Variants in RHBDD1 observed in about 807,000 individuals in gnomAD.
RHBDD1 encodes rhomboid domain containing 1.
In RHBDD1, 38 loss-of-function variants were observed where a neutral mutation model predicts 36.3. The observed-to-expected ratio is 1.05, with a 90% CI of 0.81 to 1.37. The LOEUF (loss-of-function observed/expected upper bound fraction) is 1.37, where lower values mean the gene tolerates loss of function less well. RHBDD1 is among the 40% of genes most tolerant of loss of function. The pLI, the probability that RHBDD1 is intolerant of heterozygous loss-of-function variation, is 0.00. For missense variants in RHBDD1, 393 were observed against 377.6 expected (o/e 1.04, Z -0.34); for synonymous variants, 151 against 136.5 (o/e 1.11, Z -0.74).
chr2:226,884,163 TAG>T (rs1362094846), intron 5 of RHBDD1, among the ~76,000 whole-genome samples: 1 of 152,190 alleles, frequency 6.6e-6, no homozygotes, highest in East Asian at 1.9e-4. Flanking sequence ...TGTTTTAAAA[TAG>T]AGAGTTCTTT....
intron 8 of RHBDD1, among the ~76,000 whole-genome samples, chr2:226,967,374 CT>C (rs1031771044): frequency 5.9e-5 from 9 of 151,938 alleles, no homozygotes; most frequent in African/African-American, 1.9e-4. Context: ...GTTGAGAATT[CT>C]TTTTTTCTTT....
At chr2:226,959,882 G>A (rs1179708412) in intron 8 of RHBDD1, among the ~76,000 whole-genome samples, 1 of 152,058 alleles carries the variant, frequency 6.6e-6, no homozygotes. Context: ...GAGTGCAGTG[G>A]CGCGATCTCG....
intron 5 of RHBDD1, among the ~76,000 whole-genome samples, chr2:226,887,676 C>T (rs974553929): frequency 6.6e-6 from 1 of 152,212 alleles, no homozygotes. Context: ...TGAAAATGCT[C>T]TTGTCAAACA....
intron 8 of RHBDD1, among the ~76,000 whole-genome samples, chr2:226,951,003 C>T (rs905790896): frequency 5.3e-5 from 8 of 152,144 alleles, no homozygotes; most frequent in East Asian, 1.9e-4. Flanking sequence ...TTGATTTTGT[C>T]GACCATGCTT....
At chr2:226,851,149 A>G (rs976819011) in intron 3 of RHBDD1, among the ~76,000 whole-genome samples, 1 of 152,110 alleles carries the variant, frequency 6.6e-6, no homozygotes, top group Admixed American at 6.5e-5. Context: ...CCTTGTTAAC[A>G]TTCAGCCTCT....
chr2:226,925,093 C>A lies in RHBDD1; in HGVS notation c.856+10742C>A, dbSNP rs12472858. Among the ~76,000 whole-genome samples the A allele has an allele frequency of 4.4e-3, 663 of 152,328 alleles. 23 individuals are homozygous for A. Among genetic ancestry groups the A allele is most frequent in the Admixed American group, 0.04 (613 of 15,300 alleles). The stretch of plus-strand genomic sequence containing the variant: ...CGTTTTGCTCCACCTCCCTCCATCT[C>A]ACCACATTTAATGTTGGTAGTGATA... On this transcript the variant is annotated intron_variant, in intron 8 of 8. Transcript: ENST00000392062.
chr2:226,819,975 GTGTTT>G, the RHBDD1 span, among the ~76,000 whole-genome samples: 1 of 81,936 alleles, frequency 1.2e-5, no homozygotes, highest in African/African-American at 5.8e-5. Context: ...CATATTGTGT[GTGTTT>G]TTTTTTTTTT....
chr2:226,949,588 A>G (rs1951279530), intron 8 of RHBDD1, among the ~76,000 whole-genome samples: 1 of 152,196 alleles, frequency 6.6e-6, no homozygotes, highest in African/African-American at 2.4e-5. Context: ...TTGTATTGGT[A>G]GGACATAATA....
chr2:226,944,528 G>A (rs532237705), intron 8 of RHBDD1, among the ~76,000 whole-genome samples: 8 of 152,276 alleles, frequency 5.3e-5, no homozygotes, highest in East Asian at 1.9e-4. Flanking sequence ...TCTGAAAAGC[G>A]TGTCTTTCTC....
intron 5 of RHBDD1, among the ~76,000 whole-genome samples, chr2:226,898,880 C>G (rs1575011749): frequency 6.6e-6 from 1 of 152,218 alleles, no homozygotes; most frequent in South Asian, 2.1e-4. Context: ...CTGACTGCCT[C>G]TTACCTTACC....
At chr2:226,922,882 A>AAGCC (rs1241579369) in intron 8 of RHBDD1, among the ~76,000 whole-genome samples, 2 of 152,238 alleles carry the variant, frequency 1.3e-5, no homozygotes, top group Non-Finnish European at 2.9e-5. Context: ...ACAAGCAAGC[A>AAGCC]AGCAAGCAAA....
At chr2:226,808,080 T>C in the RHBDD1 span, among the ~76,000 whole-genome samples, 3 of 151,968 alleles carry the variant, frequency 2.0e-5, no homozygotes, top group Non-Finnish European at 2.9e-5. Context: ...ACAGGGGTAG[T>C]GGCAGAAGCA....
intron 5 of RHBDD1, among the ~76,000 whole-genome samples, chr2:226,890,618 G>T (rs7576678): frequency 0.028 from 4,230 of 152,232 alleles, 80 homozygotes; most frequent in Non-Finnish European, 0.043. Flanking sequence ...CCTTGGCTAG[G>T]AGTCCTTTGG....
At chr2:226,920,091 T>C (rs1260774056) in intron 8 of RHBDD1, among the ~76,000 whole-genome samples, 1 of 151,830 alleles carries the variant, frequency 6.6e-6, no homozygotes, top group African/African-American at 2.4e-5. Flanking sequence ...CTATTTTAAA[T>C]ATTTGTATTT....
intron 3 of RHBDD1, among the ~76,000 whole-genome samples, chr2:226,842,755 T>G (rs1022699510): frequency 2.6e-5 from 4 of 152,230 alleles, no homozygotes; most frequent in Non-Finnish European, 5.9e-5. Context: ...CTAAGAATTG[T>G]TTTGGCTACT....
chr2:226,942,401 G>A (rs1336304554), intron 8 of RHBDD1: 5 of 174,908 alleles, frequency 2.9e-5, no homozygotes, highest in South Asian at 9.5e-5. Context: ...CACCACACCC[G>A]GCTAATTTTT....
At chr2:226,861,558 C>G (rs1943856457) in intron 3 of RHBDD1, among the ~76,000 whole-genome samples, 1 of 152,156 alleles carries the variant, frequency 6.6e-6, no homozygotes, top group African/African-American at 2.4e-5. Context: ...TGATTTTCTG[C>G]TACATAAAGC....
intron 3 of RHBDD1, among the ~76,000 whole-genome samples, chr2:226,850,482 A>T (rs1054079227): frequency 8.5e-5 from 13 of 152,218 alleles, no homozygotes; most frequent in Admixed American, 3.9e-4. Context: ...GATTTATGGC[A>T]TCAGAATGAC....
chr2:226,993,082 G>T (rs1958619448), intron 8 of RHBDD1, among the ~76,000 whole-genome samples: 1 of 152,236 alleles, frequency 6.6e-6, no homozygotes, highest in South Asian at 2.1e-4. Context: ...CTGCAAATGG[G>T]TCCAAGGCCG....
Sources: allele counts gnomAD v4.1 joint callset (sites outside exome capture counted in the v4.1 genomes callset), GRCh38; gene constraint gnomAD v4.1.1; transcripts MANE v1.5; gene names NCBI Gene and HGNC (gene_info 2026-07-23, HGNC 2026-07-21).